Variants in COL25A1 observed in about 807,000 individuals in gnomAD.
COL25A1 encodes collagen type XXV alpha 1 chain, also known as collagen alpha-1(XXV) chain.
In COL25A1, 103 loss-of-function variants were observed where a neutral mutation model predicts 128.4. That is an observed-to-expected ratio of 0.80 (90% CI 0.68 to 0.94). COL25A1 has a LOEUF of 0.94. Ranked by LOEUF, COL25A1 falls within the 40% of genes least tolerant of loss-of-function variation. The pLI is 0.00. For synonymous variants in COL25A1, 279 were observed against 277.2 expected (o/e 1.01, Z -0.06); for missense variants, 745 against 840.0 (o/e 0.89, Z 1.40).
chr4:109,093,463 A>AACAAAC (rs531575710), intron 3 of COL25A1, among the ~76,000 whole-genome samples: 1 of 148,740 alleles, frequency 6.7e-6, no homozygotes, highest in African/African-American at 2.5e-5. Context: ...CTATGAAAAA[A>AACAAAC]AAAAAAAAAA....
At chr4:109,272,955 T>C (rs1457529597) in intron 3 of COL25A1, among the ~76,000 whole-genome samples, 3 of 152,120 alleles carry the variant, frequency 2.0e-5, no homozygotes, top group Admixed American at 6.6e-5. Flanking sequence ...TAGGGTCAAT[T>C]TGGCTTCATC....
intron 3 of COL25A1, among the ~76,000 whole-genome samples, chr4:109,207,706 A>T (rs1418106821): frequency 6.6e-6 from 1 of 152,210 alleles, no homozygotes; most frequent in East Asian, 1.9e-4. Context: ...AATTCTATTT[A>T]CAACTTAGTG....
chr4:108,866,449 TC>T (rs200032784), intron 20 of COL25A1, among the ~76,000 whole-genome samples: 8,242 of 152,228 alleles, frequency 0.054, 259 homozygotes, highest in East Asian at 0.099. Flanking sequence ...TGCCTCAGCC[TC>T]CCAAAGTGCT....
At chr4:109,201,773 C>A (rs1206565543) in intron 3 of COL25A1, among the ~76,000 whole-genome samples, 2 of 152,054 alleles carry the variant, frequency 1.3e-5, no homozygotes, top group Non-Finnish European at 2.9e-5. Context: ...AACTAATAAG[C>A]AATTATGGCA....
In COL25A1 at chr4:109,116,318, C is replaced by T. The variant is rs1368604985; in HGVS notation, c.368-66139G>A. 2.0e-5 allele frequency among the ~76,000 whole-genome samples: 3 copies of T among 152,020 alleles called. No individual in the cohort carries two copies. The East Asian group carries it at 5.8e-4, about 29-fold the overall frequency. On this transcript the variant is annotated intron_variant, in intron 3 of 37. Coordinates refer to ENST00000399132, the MANE Select transcript of COL25A1 (RefSeq NM_198721.4). ...CAGCATTTTATTCTTGTCAACAAGG[C>T]CTCCATCAGGAGAATCTATTTTCAC...
intron 6 of COL25A1, among the ~76,000 whole-genome samples, chr4:108,991,624 C>T (rs1754238984): frequency 6.6e-6 from 1 of 151,426 alleles, no homozygotes; most frequent in African/African-American, 2.4e-5. Context: ...TTTAATATGA[C>T]AGTTCTGTTG....
At chr4:109,139,454 G>T (rs994985759) in intron 3 of COL25A1, among the ~76,000 whole-genome samples, 1 of 152,078 alleles carries the variant, frequency 6.6e-6, no homozygotes, top group Non-Finnish European at 1.5e-5. Flanking sequence ...GGTTTTTATG[G>T]TTTTTACATT....
intron 3 of COL25A1, among the ~76,000 whole-genome samples, chr4:109,077,745 T>TTA (rs1236814226): frequency 6.6e-6 from 1 of 152,196 alleles, no homozygotes; most frequent in African/African-American, 2.4e-5. Context: ...AGCTATGTCA[T>TTA]AATAGATGGT....
Position 108,852,765 on chromosome 4 carries a change from T to A in COL25A1, c.1344+137A>T. The A allele has an allele frequency of 4.4e-6, 3 of 681,854 alleles. No homozygotes were observed. The East Asian group carries it at 8.5e-5, about 19-fold the overall frequency. 42.2% of individuals were successfully genotyped at this position (681,854 alleles called of 1,614,324 possible). ...CAAAGTGATTCAACTGGAGCAAATGTAAAAGATTATTAATACAAGAAAACA... is the reference window on the plus strand; with the variant it reads ...CAAAGTGATTCAACTGGAGCAAATGAAAAAGATTATTAATACAAGAAAACA... On this transcript the variant is annotated intron_variant, in intron 25 of 37. Transcript: ENST00000399132.
chr4:109,122,829 C>A (rs1768227827), intron 3 of COL25A1, among the ~76,000 whole-genome samples: 1 of 151,916 alleles, frequency 6.6e-6, no homozygotes, highest in Non-Finnish European at 1.5e-5. Flanking sequence ...GAACCATGAA[C>A]ATAGAGAAAT....
chr4:109,264,726 T>C (rs1348137424), intron 3 of COL25A1, among the ~76,000 whole-genome samples: 1 of 152,164 alleles, frequency 6.6e-6, no homozygotes, highest in Non-Finnish European at 1.5e-5. Flanking sequence ...GGCCCACTGA[T>C]CAAATTCCCC....
intron 3 of COL25A1, among the ~76,000 whole-genome samples, chr4:109,276,438 T>C (rs888337787): frequency 3.9e-5 from 6 of 151,934 alleles, no homozygotes; most frequent in African/African-American, 1.5e-4. Context: ...AATTGTCTTA[T>C]TTTTTACACA....
In COL25A1 at chr4:109,084,920, T is replaced by C. The variant is rs781422625; in HGVS notation, c.368-34741A>G. ...AATAAATGCCTTATTCTTTCTTGCA[T>C]TTTAATTTTTATCCCTACAATTCCA... On this transcript the variant is annotated intron_variant, in intron 3 of 37. Coordinates refer to ENST00000399132, the MANE Select transcript of COL25A1 (RefSeq NM_198721.4). 6.2e-4 allele frequency among the ~76,000 whole-genome samples: 95 copies of C among 152,226 alleles called. 1 individual carries two copies. Among genetic ancestry groups the C allele is most frequent in the Non-Finnish European group, 2.6e-4 (18 of 68,038 alleles).
At chr4:108,923,276 T>G (rs927839793) in intron 11 of COL25A1, among the ~76,000 whole-genome samples, 1 of 152,204 alleles carries the variant, frequency 6.6e-6, no homozygotes, top group Non-Finnish European at 1.5e-5. Context: ...TTGCGGTTTC[T>G]GGTACAAATG....
intron 6 of COL25A1, among the ~76,000 whole-genome samples, chr4:108,984,385 C>T (rs1278083356): frequency 2.6e-5 from 4 of 152,236 alleles, no homozygotes; most frequent in Admixed American, 1.3e-4. Context: ...CCCCACAGTG[C>T]GCCTGCACTC....
At chr4:108,888,447 G>A (rs1741079855) in intron 18 of COL25A1, among the ~76,000 whole-genome samples, 1 of 152,232 alleles carries the variant, frequency 6.6e-6, no homozygotes, top group Admixed American at 6.5e-5. Flanking sequence ...ACATTTACTT[G>A]CTAGCTACAT....
Position 108,889,701 on chromosome 4 carries a change from C to G in COL25A1, c.939G>C (p.Lys313Asn), listed in dbSNP as rs779635143. 21 of 1,613,356 alleles carry G rather than the reference C, an allele frequency of 1.3e-5. No individual in the cohort carries two copies. In the Admixed American group the frequency reaches 3.5e-4, roughly 27 times the overall value. The change falls in exon 17 of 38, where the codon AAG (lysine) becomes AAC (asparagine). Residue 313 changes from lysine (K) to asparagine (N), a missense_variant and splice_region_variant. This residue lies in a region of COL25A1 where 387 missense variants were observed against 441.9 expected (regional missense o/e 0.88). Transcript: ENST00000399132. Reference protein sequence around the residue: ...GDPGSSAAGIKGEPGESGRPG... With the variant: ...GDPGSSAAGINGEPGESGRPG... Reference sequence around the variant, plus strand: ...CAAATACTTGCAAGGTTATAGTTACCTTAATTCCTGCAGCAGATGATCCAG... The same window carrying G: ...CAAATACTTGCAAGGTTATAGTTACGTTAATTCCTGCAGCAGATGATCCAG...
intron 6 of COL25A1, among the ~76,000 whole-genome samples, chr4:109,004,779 C>G (rs1755805302): frequency 6.6e-6 from 1 of 152,136 alleles, no homozygotes; most frequent in Admixed American, 6.5e-5. Flanking sequence ...CAGATGCCAG[C>G]ACTATGCTTC....
intron 3 of COL25A1, among the ~76,000 whole-genome samples, chr4:109,280,971 A>G (rs1379740501): frequency 1.3e-5 from 2 of 152,236 alleles, no homozygotes; most frequent in Non-Finnish European, 2.9e-5. Flanking sequence ...ATGGTTCAAC[A>G]AAATGTATGT....
Sources: allele counts gnomAD v4.1 joint callset (sites outside exome capture counted in the v4.1 genomes callset), GRCh38; gene constraint gnomAD v4.1.1; regional missense constraint gnomAD v4.1.1; transcripts MANE v1.5; gene names NCBI Gene and HGNC (gene_info 2026-07-23, HGNC 2026-07-21).